The following ZPBP variants were observed in gnomAD, a reference collection of about 807,000 sequenced individuals.
ZPBP encodes the protein zona pellucida-binding protein 1.
A neutral mutation model predicts 44.8 loss-of-function variants in ZPBP; 26 were observed. The observed-to-expected ratio is 0.58, with a 90% CI of 0.43 to 0.81. The LOEUF (loss-of-function observed/expected upper bound fraction) is 0.81. Ranked by LOEUF, ZPBP falls within the 30% of genes least tolerant of loss-of-function variation. The probability of loss-of-function intolerance (pLI) is 0.00; values close to 1 mark genes in which losing one functional copy is unlikely to be tolerated. For synonymous variants in ZPBP, 174 were observed against 153.2 expected, an observed-to-expected ratio of 1.14 and a Z score of -1.00; for missense variants, 409 against 434.0, an observed-to-expected ratio of 0.94 and a Z score of 0.51.
chr7:49,967,047 T>C (rs1279430331), intron 7 of ZPBP, among the ~76,000 whole-genome samples: 1 of 152,054 alleles, frequency 6.6e-6, no homozygotes, highest in African/African-American at 2.4e-5. Context: ...TGTGCTCTTC[T>C]TCAAGAAAAA....
chr7:50,049,891 C>T (rs182661744), intron 4 of ZPBP, among the ~76,000 whole-genome samples: 33 of 151,764 alleles, frequency 2.2e-4, no homozygotes, highest in Non-Finnish European at 4.0e-4. Context: ...AAATGTCTCA[C>T]GAAGAATCTA....
At chr7:50,066,865 T>C (rs988898757) in intron 3 of ZPBP, among the ~76,000 whole-genome samples, 2 of 152,130 alleles carry the variant, frequency 1.3e-5, no homozygotes, top group African/African-American at 4.8e-5. Context: ...GGTTTCACTG[T>C]AGGACTATTC....
chr7:49,946,228 C>T (rs1038263634), intron 7 of ZPBP, among the ~76,000 whole-genome samples: 3 of 151,958 alleles, frequency 2.0e-5, no homozygotes, highest in Admixed American at 1.3e-4. Context: ...TCTTTCTACT[C>T]GAGATATGAG....
chr7:50,078,526 T>C (rs1802211116), intron 3 of ZPBP, among the ~76,000 whole-genome samples: 1 of 151,008 alleles, frequency 6.6e-6, no homozygotes, highest in South Asian at 2.1e-4. Context: ...ATACACCTAC[T>C]ATGTACCTAA....
chr7:49,955,312 C>A (rs1389522598), intron 7 of ZPBP, among the ~76,000 whole-genome samples: 2 of 152,028 alleles, frequency 1.3e-5, no homozygotes, highest in Non-Finnish European at 2.9e-5. Flanking sequence ...TAATCCCAAC[C>A]CTTTGAGAGG....
intron 1 of ZPBP, among the ~76,000 whole-genome samples, chr7:49,928,713 G>A (rs1794340596): frequency 6.6e-6 from 1 of 152,098 alleles, no homozygotes; most frequent in African/African-American, 2.4e-5. Flanking sequence ...GCCCAATCTT[G>A]TACACACCAG....
Position 49,899,805 on chromosome 7 carries a change from G to T in ZPBP, n.509+1313C>A, listed in dbSNP as rs147575087. Among the ~76,000 whole-genome samples the T allele has an allele frequency of 6.2e-3, 937 of 152,084 alleles. 32 individuals carry two copies. The highest frequency in any genetic ancestry group is 0.058 in the Admixed American group (879 of 15,276). On this transcript the variant is annotated intron_variant and non_coding_transcript_variant, in intron 2 of 2. Coordinates refer to the ZPBP transcript ENST00000465922. ...AGTAAGGACATAGTTGACCTGAAGA[G>T]TACCATGAGTCAAGTGGATATAATT...
At chr7:49,894,291 G>A (rs1443309370) in intron 2 of ZPBP, among the ~76,000 whole-genome samples, 1 of 152,136 alleles carries the variant, frequency 6.6e-6, no homozygotes, top group Non-Finnish European at 1.5e-5. Context: ...TGAATAGCTG[G>A]GATTATAGAT....
chr7:49,854,668 G>A (rs1288595539), intron 2 of ZPBP, among the ~76,000 whole-genome samples: 2 of 152,164 alleles, frequency 1.3e-5, no homozygotes, highest in Non-Finnish European at 2.9e-5. Flanking sequence ...TAGGTTGCCT[G>A]TTCACTCTGA....
At chr7:49,875,397 A>AAAAAC (rs1791371337) in intron 2 of ZPBP, among the ~76,000 whole-genome samples, 1 of 140,714 alleles carries the variant, frequency 7.1e-6, no homozygotes, top group Non-Finnish European at 1.6e-5. Flanking sequence ...AAAAAAAAAA[A>AAAAAC]CAGGAATAAA....
intron 7 of ZPBP, among the ~76,000 whole-genome samples, chr7:49,944,838 AT>A (rs531938065): frequency 1.1e-4 from 4 of 35,336 alleles, no homozygotes; most frequent in South Asian, 1.4e-3. Flanking sequence ...TGATTTTTGT[AT>A]TTTTTTTATT....
intron 2 of ZPBP, among the ~76,000 whole-genome samples, chr7:49,861,976 A>G (rs1790667973): frequency 6.6e-6 from 1 of 152,210 alleles, no homozygotes; most frequent in Admixed American, 6.5e-5. Context: ...GTGCAATTCC[A>G]TATGAATTTT....
chr7:50,051,175 T>C (rs894370442), intron 4 of ZPBP, among the ~76,000 whole-genome samples: 3 of 151,680 alleles, frequency 2.0e-5, no homozygotes, highest in Non-Finnish European at 2.9e-5. Flanking sequence ...CAAACAAACA[T>C]GAAAAAAAGC....
chr7:50,055,167 G>A (rs182894230), intron 4 of ZPBP, among the ~76,000 whole-genome samples: 10 of 152,178 alleles, frequency 6.6e-5, no homozygotes, highest in African/African-American at 2.4e-4. Flanking sequence ...TGGGGGGTAT[G>A]GTGTATCTGT....
rs759876172 is a variant in ZPBP at position 50,093,108 on chromosome 7, G to A, written c.87C>T (p.Leu29=). The A allele has an allele frequency of 3.1e-6, 5 of 1,593,770 alleles. No individual in the cohort carries two copies. Among genetic ancestry groups the A allele is most frequent in the South Asian group, 2.3e-5 (2 of 88,250 alleles). Residue 29 remains leucine, a synonymous_variant, in exon 1 of 8, where the codon CTC becomes CTT. Coordinates refer to ENST00000046087, the MANE Select transcript of ZPBP (RefSeq NM_007009.3). The part of the protein sequence containing the change: ...AGSLLSRAAI[L]LFISAFLVRV... ...GCACCAGGAAGGCGGAGATAAAGAG[G>A]AGGATGGCGGCCCGAGAGAGCAGGG...
chr7:50,066,515 T>C (rs913215201), intron 3 of ZPBP, among the ~76,000 whole-genome samples: 6 of 152,200 alleles, frequency 3.9e-5, no homozygotes, highest in Admixed American at 1.3e-4. Context: ...TCCCTTTTAG[T>C]ATAGGCAGAA....
chr7:49,875,894 G>A (rs1264275321), intron 2 of ZPBP, among the ~76,000 whole-genome samples: 5 of 152,104 alleles, frequency 3.3e-5, no homozygotes, highest in African/African-American at 1.2e-4. Flanking sequence ...TTTGTCCCTG[G>A]CATCGACTAT....
At position 49,982,662 on chromosome 7, in the gene ZPBP, T is replaced by A. The variant is rs190033549; in HGVS notation, c.961+680A>T. Among the ~76,000 whole-genome samples, 484 of 151,886 alleles carry A rather than the reference T, an allele frequency of 3.2e-3. 6 individuals are homozygous for A. Among genetic ancestry groups the A allele is most frequent in the African/African-American group, 0.011 (451 of 41,510 alleles). ...TTATAAACTATCAAGGCTCAAGTAT[T>A]CTCTTATGGCAATATGAAACAGACT... On this transcript the variant is annotated intron_variant, in intron 7 of 7. Transcript: ENST00000046087.
intron 1 of ZPBP, among the ~76,000 whole-genome samples, chr7:49,928,251 G>T (rs1794316830): frequency 6.6e-6 from 1 of 152,212 alleles, no homozygotes; most frequent in Non-Finnish European, 1.5e-5. Context: ...TTTCTCATTA[G>T]TGTGCATTCC....
Sources: allele counts gnomAD v4.1 joint callset (sites outside exome capture counted in the v4.1 genomes callset), GRCh38; gene constraint gnomAD v4.1.1; transcripts MANE v1.5; gene names NCBI Gene and HGNC (gene_info 2026-07-23, HGNC 2026-07-21).